The following GRXCR2 variants were observed in gnomAD, a reference collection of about 807,000 sequenced individuals.
The protein encoded by GRXCR2 is glutaredoxin and cysteine rich domain containing 2.
A neutral mutation model predicts 24.8 loss-of-function variants in GRXCR2; 23 were observed. The observed-to-expected ratio is 0.93, with a 90% CI of 0.67 to 1.32. The LOEUF is 1.32. Ranked by LOEUF, GRXCR2 falls within the 40% of genes most tolerant of loss-of-function variation. GRXCR2 has a pLI of 0.00. For missense variants in GRXCR2, 315 were observed against 303.4 expected, an observed-to-expected ratio of 1.04 and a Z score of -0.28; for synonymous variants, 130 against 116.1, an observed-to-expected ratio of 1.12 and a Z score of -0.77.
intron 2 of GRXCR2, among the ~76,000 whole-genome samples, chr5:145,921,417 C>A (rs1168044664): frequency 6.6e-6 from 1 of 152,104 alleles, no homozygotes; most frequent in Non-Finnish European, 1.5e-5. Context: ...CACCAGTCAC[C>A]CCAGTCTGCT....
intron 2 of GRXCR2, among the ~76,000 whole-genome samples, chr5:145,906,117 C>T (rs1019762644): frequency 1.3e-5 from 2 of 152,138 alleles, no homozygotes; most frequent in African/African-American, 2.4e-5. Flanking sequence ...CTGGTAATGG[C>T]ACCTATGTAT....
intron 2 of GRXCR2, among the ~76,000 whole-genome samples, chr5:145,926,195 G>A (rs559021657): frequency 1.3e-5 from 2 of 152,116 alleles, no homozygotes; most frequent in African/African-American, 4.8e-5. Flanking sequence ...TATCTGTCAT[G>A]GATTAACGTC....
chr5:145,878,343 A>G (rs971657054), intron 2 of GRXCR2, among the ~76,000 whole-genome samples: 4 of 152,226 alleles, frequency 2.6e-5, no homozygotes, highest in African/African-American at 7.2e-5. Context: ...AGTGTAGAGA[A>G]GACCTTAAAT....
chr5:145,899,064 T>C (rs1346957867), intron 2 of GRXCR2, among the ~76,000 whole-genome samples: 6 of 152,094 alleles, frequency 3.9e-5, no homozygotes, highest in African/African-American at 1.4e-4. Flanking sequence ...AGTTTCAGGA[T>C]ACAAAATCAA....
chr5:145,908,445 A>C (rs986140489), intron 2 of GRXCR2, among the ~76,000 whole-genome samples: 1 of 152,164 alleles, frequency 6.6e-6, no homozygotes, highest in Non-Finnish European at 1.5e-5. Context: ...TTGATTCAGA[A>C]TCCTGGTGGG....
intron 2 of GRXCR2, among the ~76,000 whole-genome samples, chr5:145,884,083 C>A (rs1222859004): frequency 6.6e-6 from 1 of 152,076 alleles, no homozygotes; most frequent in African/African-American, 2.4e-5. Context: ...GTGCTATTTA[C>A]AATTACAGCA....
chr5:145,889,395 C>A (rs540221831), intron 2 of GRXCR2, among the ~76,000 whole-genome samples: 2 of 151,974 alleles, frequency 1.3e-5, no homozygotes, highest in East Asian at 3.9e-4. Context: ...ACTCATGTAA[C>A]CAAATACCAC....
intron 2 of GRXCR2, among the ~76,000 whole-genome samples, chr5:145,921,589 T>C (rs931959850): frequency 6.6e-6 from 1 of 152,214 alleles, no homozygotes; most frequent in Non-Finnish European, 1.5e-5. Context: ...CCTTAGTGGG[T>C]AATGATGCCA....
At chr5:145,882,549 A>G (rs566994040) in intron 2 of GRXCR2, among the ~76,000 whole-genome samples, 169 of 152,324 alleles carry the variant, frequency 1.1e-3, no homozygotes, top group Middle Eastern at 6.8e-3. Context: ...GTGGAGAAAT[A>G]GGAACACTTT....
At chr5:145,925,716 T>C (rs1757384697) in intron 2 of GRXCR2, among the ~76,000 whole-genome samples, 1 of 152,158 alleles carries the variant, frequency 6.6e-6, no homozygotes, top group Non-Finnish European at 1.5e-5. Flanking sequence ...GAGTAAATAA[T>C]GAATATCATA....
intron 2 of GRXCR2, among the ~76,000 whole-genome samples, chr5:145,906,970 G>A (rs1292424527): frequency 1.3e-5 from 2 of 152,186 alleles, no homozygotes; most frequent in Non-Finnish European, 2.9e-5. Context: ...TGGTGAGGGG[G>A]TCAGCCTTGT....
At chr5:145,929,199 CTAT>C (rs1321840691) in intron 2 of GRXCR2, among the ~76,000 whole-genome samples, 3 of 116,508 alleles carry the variant, frequency 2.6e-5, no homozygotes, top group African/African-American at 6.3e-5. Flanking sequence ...ATATTCCCCC[CTAT>C]ATATATATAT....
intron 2 of GRXCR2, among the ~76,000 whole-genome samples, chr5:145,901,627 G>T (rs1348482395): frequency 6.6e-6 from 1 of 152,164 alleles, no homozygotes; most frequent in African/African-American, 2.4e-5. Flanking sequence ...AACTCAGAGT[G>T]GGGTAAATTG....
At position 145,866,526 on chromosome 5, in the gene GRXCR2, G is replaced by A; in HGVS notation, c.539C>T (p.Thr180Ile). ...CTGTGTATACCGGTTTTGGGGTAAT[G>A]TGCTTTCTGCCTCCACCAAAGGTCT... ...HDRPLVEAES[T>I]LPQNRYTQEG... is the part of the protein sequence containing the mutation. The change falls in exon 2 of 3, where the codon ACA becomes ATA. Residue 180 changes from threonine to isoleucine, a missense_variant. By Grantham distance (89) the Thr-to-Ile change is moderately conservative. Coordinates refer to ENST00000377976, the MANE Select transcript of GRXCR2 (RefSeq NM_001080516.2). 6.2e-7 allele frequency: 1 copy of A among 1,614,036 alleles called. No homozygotes were observed. The highest frequency in any genetic ancestry group is 8.5e-7 in the Non-Finnish European group (1 of 1,179,906).
rs373852018 is a variant in GRXCR2 at position 145,902,819 on chromosome 5, C to A, written c.-70+32882G>T. 5.9e-4 allele frequency among the ~76,000 whole-genome samples: 90 copies of A among 152,274 alleles called. 3 individuals are homozygous for A. In the South Asian group the frequency reaches 0.017, roughly 29 times the overall value. On this transcript the variant is annotated intron_variant, in intron 2 of 3. Transcript: ENST00000639411. ...ATTATCTCCCTTTTACCCTCATGAC[C>A]ACACTATAAGGCATATGCTAAAATT... is the stretch of plus-strand genomic sequence containing the variant.
intron 2 of GRXCR2, among the ~76,000 whole-genome samples, chr5:145,883,524 C>G (rs549115560): frequency 6.6e-6 from 1 of 151,812 alleles, no homozygotes; most frequent in African/African-American, 2.4e-5. Context: ...ATGACTTTAA[C>G]TTAAGCCAAA....
intron 2 of GRXCR2, among the ~76,000 whole-genome samples, chr5:145,911,631 A>G (rs568830317): frequency 5.3e-5 from 8 of 152,186 alleles, no homozygotes. Flanking sequence ...TGGAACTCAG[A>G]TATTGGTCAA....
intron 2 of GRXCR2, among the ~76,000 whole-genome samples, chr5:145,900,502 AG>A (rs1757009918): frequency 6.6e-6 from 1 of 152,184 alleles, no homozygotes; most frequent in Non-Finnish European, 1.5e-5. Flanking sequence ...ACTTCCCAAA[AG>A]AAGACATACA....
intron 2 of GRXCR2, among the ~76,000 whole-genome samples, chr5:145,910,873 C>T (rs965494154): frequency 6.0e-5 from 9 of 150,168 alleles, no homozygotes; most frequent in Admixed American, 4.0e-4. Flanking sequence ...CGTGCATGCA[C>T]ACACATGTGT....
Sources: gnomAD v4.1 joint callset for allele counts (sites outside exome capture counted in the v4.1 genomes callset) on GRCh38, gnomAD v4.1.1 for gene constraint, MANE v1.5 for transcripts, NCBI Gene and HGNC (gene_info 2026-07-23, HGNC 2026-07-21) for gene names.